Variants in NELL1 observed in about 807,000 individuals in gnomAD.
NELL1 encodes protein kinase C-binding protein NELL1.
A neutral mutation model predicts 107.4 loss-of-function variants in NELL1; 76 were observed. The observed-to-expected ratio is 0.71, with a 90% CI of 0.59 to 0.86. The LOEUF (loss-of-function observed/expected upper bound fraction) is 0.86. Among genes scored for constraint, NELL1 ranks in the 40% least tolerant of loss-of-function variants. The probability of loss-of-function intolerance (pLI) is 0.00; values close to 1 mark genes in which losing one functional copy is unlikely to be tolerated. For missense variants in NELL1, 1,024 were observed against 1,005.5 expected (o/e 1.02, Z -0.25); for synonymous variants, 353 against 341.2 (o/e 1.03, Z -0.38).
rs751199593 is a variant in NELL1 at position 21,570,986 on chromosome 11, A to G, written c.2157+46A>G. 4 of 1,565,540 alleles carry G rather than the reference A, an allele frequency of 2.6e-6. No individual in the cohort carries two copies. In the South Asian group the frequency reaches 3.5e-5, roughly 14 times the overall value. On this transcript the variant is annotated intron_variant, in intron 18 of 19. Transcript: ENST00000357134. ...AGGTGTTGAGCCTTTACTCTGAAAG[A>G]GGTTACAAATTCAGTTGTCTGTGGG...
chr11:21,234,628 A>G (rs1264013899), intron 14 of NELL1, among the ~76,000 whole-genome samples: 2 of 152,230 alleles, frequency 1.3e-5, no homozygotes, highest in Non-Finnish European at 2.9e-5. Context: ...AAGGCTCTCC[A>G]GAATCCTGTA....
chr11:20,886,550 G>C (rs1849512538), intron 5 of NELL1, among the ~76,000 whole-genome samples: 1 of 152,116 alleles, frequency 6.6e-6, no homozygotes, highest in Non-Finnish European at 1.5e-5. Context: ...AGCCAGAGGG[G>C]TATCAGTACC....
intron 12 of NELL1, among the ~76,000 whole-genome samples, chr11:21,015,086 G>T (rs547771872): frequency 1.6e-4 from 25 of 151,954 alleles, no homozygotes; most frequent in African/African-American, 5.5e-4. Context: ...TTTTCTTAAG[G>T]TAACTGTCTT....
intron 4 of NELL1, among the ~76,000 whole-genome samples, chr11:20,879,163 C>T (rs746437440): frequency 2.0e-4 from 31 of 152,172 alleles, no homozygotes; most frequent in Middle Eastern, 6.8e-3. Context: ...TTTCCTCCTT[C>T]CTTAGCCAGG....
At chr11:20,718,609 G>A (rs1855308157) in intron 2 of NELL1, among the ~76,000 whole-genome samples, 1 of 152,112 alleles carries the variant, frequency 6.6e-6, no homozygotes, top group Admixed American at 6.5e-5. Context: ...TCTTTTAGGT[G>A]TCAAACCTAA....
intron 15 of NELL1, among the ~76,000 whole-genome samples, chr11:21,371,315 A>G (rs1851354230): frequency 6.6e-6 from 1 of 152,124 alleles, no homozygotes; most frequent in African/African-American, 2.4e-5. Flanking sequence ...CTGCTGTGTC[A>G]ACGGAATCTA....
At chr11:21,033,694 A>G (rs908221819) in intron 12 of NELL1, among the ~76,000 whole-genome samples, 2 of 152,070 alleles carry the variant, frequency 1.3e-5, no homozygotes, top group Non-Finnish European at 1.5e-5. Flanking sequence ...TAGTGCTGCA[A>G]TGAGTATACA....
intron 9 of NELL1, among the ~76,000 whole-genome samples, chr11:20,932,072 C>T (rs10741859): frequency 0.61 from 93,225 of 151,970 alleles, 30,671 homozygotes; most frequent in Non-Finnish European, 0.73. Context: ...GCATCCATGG[C>T]GGTACCGAAA....
At chr11:20,984,914 G>A (rs554788867) in intron 12 of NELL1, among the ~76,000 whole-genome samples, 5 of 152,154 alleles carry the variant, frequency 3.3e-5, no homozygotes, top group Admixed American at 1.3e-4. Flanking sequence ...TTTAAACCAA[G>A]TTTCAATGAA....
intron 14 of NELL1, among the ~76,000 whole-genome samples, chr11:21,342,578 A>G (rs1303634309): frequency 6.7e-6 from 1 of 150,062 alleles, no homozygotes; most frequent in Non-Finnish European, 1.5e-5. Context: ...CAGGTAGTCG[A>G]GGCTGGAGTG....
intron 15 of NELL1, among the ~76,000 whole-genome samples, chr11:21,418,714 A>G (rs1181484859): frequency 4.6e-5 from 7 of 152,106 alleles, no homozygotes; most frequent in Admixed American, 3.9e-4. Context: ...TGGCCAATAA[A>G]ATATAAGTAG....
At chr11:21,048,708 T>G (rs1853415911) in intron 12 of NELL1, among the ~76,000 whole-genome samples, 1 of 152,168 alleles carries the variant, frequency 6.6e-6, no homozygotes, top group African/African-American at 2.4e-5. Flanking sequence ...CCAACTACCT[T>G]ACGATTCTTA....
Position 21,171,506 on chromosome 11 carries a change from T to C in NELL1, c.1426+57792T>C, listed in dbSNP as rs1448577534. Among the ~76,000 whole-genome samples, 4 of 151,950 alleles carry C rather than the reference T, an allele frequency of 2.6e-5. No homozygotes were observed. In the East Asian group the frequency reaches 5.8e-4, roughly 22 times the overall value. On this transcript the variant is annotated intron_variant, in intron 13 of 19. Transcript: ENST00000357134. ...TCACTTAACAAACTGCGAGTGTTTC[T>C]ATGTTATTAGCATTTTAATACCATA...
chr11:21,346,447 G>A (rs922155820), intron 14 of NELL1, among the ~76,000 whole-genome samples: 1 of 149,312 alleles, frequency 6.7e-6, no homozygotes, highest in African/African-American at 2.5e-5. Context: ...GGAGAGAAAG[G>A]GTAAGAGGGA....
chr11:20,694,537 A>G (rs375042928), intron 2 of NELL1, among the ~76,000 whole-genome samples: 2 of 151,864 alleles, frequency 1.3e-5, no homozygotes, highest in East Asian at 3.9e-4. Flanking sequence ...TTTCCCCATC[A>G]CTTATCTTTG....
chr11:20,956,847 AT>A (rs1274086756), intron 11 of NELL1, among the ~76,000 whole-genome samples: 1 of 152,218 alleles, frequency 6.6e-6, no homozygotes, highest in Non-Finnish European at 1.5e-5. Context: ...TTTAAAGATG[AT>A]AAAGCATCTT....
intron 14 of NELL1, among the ~76,000 whole-genome samples, chr11:21,245,079 G>T (rs745622920): frequency 5.9e-5 from 9 of 152,128 alleles, no homozygotes; most frequent in Non-Finnish European, 1.0e-4. Context: ...GTTACATTGA[G>T]GATGGAATTA....
intron 5 of NELL1, among the ~76,000 whole-genome samples, chr11:20,917,526 G>GA (rs1239362234): frequency 6.6e-6 from 1 of 151,682 alleles, no homozygotes; most frequent in Non-Finnish European, 1.5e-5. Flanking sequence ...CATCAAATCA[G>GA]AAAAAACCCT....
chr11:20,976,156 T>A (rs72939244), intron 12 of NELL1, among the ~76,000 whole-genome samples: 2 of 111,774 alleles, frequency 1.8e-5, no homozygotes, highest in East Asian at 5.7e-4. Context: ...TGTATATATA[T>A]ACACACATTA....
Sources: gnomAD v4.1 joint callset for allele counts (sites outside exome capture counted in the v4.1 genomes callset) on GRCh38, gnomAD v4.1.1 for gene constraint, MANE v1.5 for transcripts, NCBI Gene and HGNC (gene_info 2026-07-23, HGNC 2026-07-21) for gene names.